The following AR variants were observed in gnomAD, a reference collection of about 807,000 sequenced individuals.
AR encodes dihydrotestosterone receptor.
A neutral mutation model predicts 53.9 loss-of-function variants in AR; 8 were observed. That is an observed-to-expected ratio of 0.15 (90% CI 0.09 to 0.27). The LOEUF is 0.27. AR is among the 10% of genes least tolerant of loss of function. The pLI, the probability that AR is intolerant of heterozygous loss-of-function variation, is 1.00. For synonymous variants in AR, 359 were observed against 316.4 expected, an observed-to-expected ratio of 1.13 and a Z score of -1.43; for missense variants, 639 against 742.5, an observed-to-expected ratio of 0.86 and a Z score of 1.62.
intron 1 of AR, among the ~76,000 whole-genome samples, chrX:67,563,561 A>G (rs1366885672): frequency 8.9e-6 from 1 of 111,917 alleles, no homozygotes; most frequent in African/African-American, 3.3e-5. Flanking sequence ...GCTGACATAC[A>G]TGGGCTTTTC....
intron 1 of AR, among the ~76,000 whole-genome samples, chrX:67,626,160 T>G (rs1381934544): frequency 9.0e-6 from 1 of 111,093 alleles, no homozygotes; most frequent in Non-Finnish European, 1.9e-5. Flanking sequence ...TACTATATGT[T>G]ATTCATTCTA....
rs145233858 is a variant in AR, at chrX:67,546,187, C to G, written c.1041C>G (p.Leu347=). 1.1e-5 allele frequency: 13 copies of G among 1,210,979 alleles called. No homozygotes were observed. The highest frequency in any genetic ancestry group is 1.3e-5 in the Non-Finnish European group (12 of 895,365). ...GTLELPSTLS[L]YKSGALDEAA... The stretch of plus-strand genomic sequence containing the variant: ...TTGAACTGCCGTCTACCCTGTCTCT[C>G]TACAAGTCCGGAGCACTGGACGAGG... The change falls in exon 1 of 8, where the codon CTC becomes CTG. Residue 347 remains leucine, a synonymous_variant. Coordinates refer to ENST00000374690, the MANE Select transcript of AR (RefSeq NM_000044.6).
intron 1 of AR, among the ~76,000 whole-genome samples, chrX:67,551,009 T>G (rs887126069): frequency 2.9e-5 from 3 of 103,386 alleles, no homozygotes; most frequent in Non-Finnish European, 5.9e-5. Context: ...GGGTTTTTTT[T>G]TTTTTTTTTT....
intron 1 of AR, among the ~76,000 whole-genome samples, chrX:67,583,571 G>A (rs1000736530): frequency 2.7e-5 from 3 of 111,825 alleles, no homozygotes; most frequent in African/African-American, 9.8e-5. Flanking sequence ...CAAGAGGTTG[G>A]TTTTGAAAGC....
At chrX:67,558,069 G>T (rs1338769048) in intron 1 of AR, among the ~76,000 whole-genome samples, 2 of 111,859 alleles carry the variant, frequency 1.8e-5, no homozygotes, top group East Asian at 5.6e-4. Flanking sequence ...CATTTTATGG[G>T]TGAGGTGCCT....
At chrX:67,651,042 AT>A (rs371866919) in intron 2 of AR, among the ~76,000 whole-genome samples, 204 of 102,667 alleles carry the variant, frequency 2.0e-3, no homozygotes, top group African/African-American at 2.9e-3. Flanking sequence ...TAAATGTGGC[AT>A]TTTTTTTTTT....
At chrX:67,629,111 G>T (rs1426890166) in intron 1 of AR, among the ~76,000 whole-genome samples, 6 of 111,133 alleles carry the variant, frequency 5.4e-5, no homozygotes, top group African/African-American at 2.0e-4. Flanking sequence ...TTTTGGTTGT[G>T]TCTCTGCCCG....
chrX:67,697,824 A>G (rs1194799748), intron 3 of AR, among the ~76,000 whole-genome samples: 2 of 111,176 alleles, frequency 1.8e-5, no homozygotes, highest in Admixed American at 9.6e-5. Context: ...AGAATAATAA[A>G]CCTTTTATGT....
At chrX:67,690,637 A>G (rs1246535556) in intron 3 of AR, among the ~76,000 whole-genome samples, 1 of 112,176 alleles carries the variant, frequency 8.9e-6, no homozygotes. Flanking sequence ...TTTAGCAAAT[A>G]TTTATTGAGT....
chrX:67,659,943 A>G (rs1926795951), intron 2 of AR, among the ~76,000 whole-genome samples: 1 of 111,318 alleles, frequency 9.0e-6, no homozygotes, highest in Non-Finnish European at 1.9e-5. Flanking sequence ...CGTGGTTTTG[A>G]TTTGCATTTC....
chrX:67,723,601 A>G (rs2147539612), intron 7 of AR, 85 bp from the exon 8 acceptor site: 2 of 1,105,235 alleles, frequency 1.8e-6, no homozygotes, highest in Admixed American at 2.2e-5. Context: ...AGGCTGAAAG[A>G]CCAAAAATCA....
chrX:67,612,986 T>A (rs1217099071), intron 1 of AR, among the ~76,000 whole-genome samples: 1 of 111,880 alleles, frequency 8.9e-6, no homozygotes, highest in Non-Finnish European at 1.9e-5. Context: ...GAATCACTGT[T>A]CTAGGAAGGC....
Position 67,558,763 on chromosome X carries a change from G to C in AR, c.1616+12001G>C, listed in dbSNP as rs150936603. On this transcript the variant is annotated intron_variant, in intron 1 of 7. Coordinates refer to ENST00000374690, the MANE Select transcript of AR (RefSeq NM_000044.6). ...CAATTCAATGCCTGCTTAAATAGGA[G>C]AGTTAAGATAAGAAAAATAAAATTG... Among the ~76,000 whole-genome samples, 689 of 112,240 alleles carry C rather than the reference G, an allele frequency of 6.1e-3. 9 individuals carry two copies. The highest frequency in any genetic ancestry group is 0.022 in the African/African-American group (668 of 30,933).
At chrX:67,676,995 TG>T (rs2075904195) in intron 2 of AR, among the ~76,000 whole-genome samples, 1 of 110,401 alleles carries the variant, frequency 9.1e-6, no homozygotes, top group Non-Finnish European at 1.9e-5. Context: ...CTGGCAGTGG[TG>T]GGCAGACAAG....
At chrX:67,703,259 T>C (rs769953319) in intron 3 of AR, among the ~76,000 whole-genome samples, 7 of 111,903 alleles carry the variant, frequency 6.3e-5, no homozygotes, top group African/African-American at 2.3e-4. Context: ...AAGTGGTTCA[T>C]GGTCTTTCTC....
At chrX:67,706,246 G>A (rs2076066703) in intron 3 of AR, among the ~76,000 whole-genome samples, 1 of 111,655 alleles carries the variant, frequency 9.0e-6, no homozygotes, top group Admixed American at 9.5e-5. Context: ...TGTACCTCTG[G>A]TAGAATTCAG....
intron 2 of AR, among the ~76,000 whole-genome samples, chrX:67,674,392 G>A (rs1256632605): frequency 9.0e-6 from 1 of 110,534 alleles, no homozygotes; most frequent in African/African-American, 3.3e-5. Flanking sequence ...TCAGTCAGTG[G>A]TGAAGCCAGC....
At chrX:67,571,131 A>T (rs898527440) in intron 1 of AR, among the ~76,000 whole-genome samples, 6 of 111,671 alleles carry the variant, frequency 5.4e-5, no homozygotes, top group Admixed American at 1.9e-4. Flanking sequence ...ACCTCTATTT[A>T]AAACTTCTGT....
chrX:67,723,420 T>C (rs1259265926), intron 7 of AR, among the ~76,000 whole-genome samples: 1 of 100,062 alleles, frequency 1.0e-5, no homozygotes. Context: ...GCTGGAGAAG[T>C]CTTGAGTCAG....
Sources: gnomAD v4.1 joint callset for allele counts (sites outside exome capture counted in the v4.1 genomes callset) on GRCh38, gnomAD v4.1.1 for gene constraint, MANE v1.5 for transcripts, NCBI Gene and HGNC (gene_info 2026-07-23, HGNC 2026-07-21) for gene names.